The following BRIP1 variants were observed in gnomAD, a reference collection of about 807,000 sequenced individuals.
BRIP1 encodes the protein Fanconi anemia group J protein.
BRIP1 carries 88 observed loss-of-function variants against 119.7 expected under a neutral mutation model. That is an observed-to-expected ratio of 0.74 (90% CI 0.62 to 0.88). BRIP1 has a LOEUF of 0.88. Ranked by LOEUF, BRIP1 falls within the 40% of genes least tolerant of loss-of-function variation. BRIP1 has a pLI of 0.00. For missense variants in BRIP1, 1,259 were observed against 1,455.4 expected, an observed-to-expected ratio of 0.87 and a Z score of 2.20; for synonymous variants, 443 against 496.5, an observed-to-expected ratio of 0.89 and a Z score of 1.43.
In BRIP1 at chr17:61,681,190, T is replaced by G; in HGVS notation, c.*2106A>C. On this transcript the variant is annotated 3_prime_UTR_variant, in exon 20 of 20. Coordinates refer to ENST00000259008, the MANE Select transcript of BRIP1 (RefSeq NM_032043.3). The surrounding 1 kb of genome is among the most constrained non-coding windows in gnomAD (Gnocchi z 5.1). ...ACGTCGGGATTATGGGAACTACAAT[T>G]CAAGATGAGATCTGGCTGGGGACAT... 1 of 185,712 alleles carries G rather than the reference T, an allele frequency of 5.4e-6. No individual in the cohort carries two copies. The highest frequency in any genetic ancestry group is 1.1e-5 in the Non-Finnish European group (1 of 92,252). The allele number at this position is 185,712 out of a possible 1,614,324, so 11.5% of individuals were successfully genotyped here.
chr17:61,754,664 T>C lies in BRIP1; in HGVS notation c.2098-10073A>G, dbSNP rs2077176112. ...GAGTGGCTTAAACAAGAGAAATTTATTTCTTACTTCTTGGCTATGAAGTCC... is the reference window on the plus strand; with the variant it reads ...GAGTGGCTTAAACAAGAGAAATTTACTTCTTACTTCTTGGCTATGAAGTCC... On this transcript the variant is annotated intron_variant, in intron 14 of 19. Coordinates refer to ENST00000259008, the MANE Select transcript of BRIP1 (RefSeq NM_032043.3). This position sits in a 1 kb window ranked among gnomAD's most constrained non-coding sequence, Gnocchi z 4.1. Among the ~76,000 whole-genome samples, 1 of 152,208 alleles carries C rather than the reference T, an allele frequency of 6.6e-6. No individual in the cohort carries two copies. Among genetic ancestry groups the C allele is most frequent in the South Asian group, 2.1e-4 (1 of 4,832 alleles).
Position 61,796,880 on chromosome 17 carries a change from A to G in BRIP1, c.1340+2220T>C, listed in dbSNP as rs929755393. 6.6e-6 allele frequency among the ~76,000 whole-genome samples: 1 copy of G among 152,104 alleles called. No homozygotes were observed. The highest frequency in any genetic ancestry group is 2.1e-4 in the South Asian group (1 of 4,824). On this transcript the variant is annotated intron_variant, in intron 9 of 19. Coordinates refer to ENST00000259008, the MANE Select transcript of BRIP1 (RefSeq NM_032043.3). The surrounding 1 kb of genome is among the most constrained non-coding windows in gnomAD (Gnocchi z 4.8). ...GGGATATACTGTGCAGGTGGCATCT[A>G]TAAGACTTACTCATTAATTGGATGA...
At chr17:61,835,696 T>TAA (rs546583149) in intron 6 of BRIP1, among the ~76,000 whole-genome samples, 1 of 144,296 alleles carries the variant, frequency 6.9e-6, no homozygotes, top group Non-Finnish European at 1.5e-5. Context: ...CACATACTGT[T>TAA]AAAAAAAAAA....
At position 61,759,176 on chromosome 17, in the gene BRIP1, C is replaced by T. The variant is rs1170294202; in HGVS notation, c.2098-14585G>A. ...GAAAAGAAGATCCAACTATATGCTG[C>T]CTACAAGAGATTTGCTTTTAAGGAT... On this transcript the variant is annotated intron_variant, in intron 14 of 19. Transcript: ENST00000259008. The surrounding 1 kb of genome is among the most constrained non-coding windows in gnomAD (Gnocchi z 4.9). 1.3e-5 allele frequency among the ~76,000 whole-genome samples: 2 copies of T among 151,924 alleles called. No homozygotes were observed. Among genetic ancestry groups the T allele is most frequent in the East Asian group, 3.9e-4 (2 of 5,184 alleles).
chr17:61,679,742 G>T lies in BRIP1; in HGVS notation c.*3554C>A, dbSNP rs1400835996. Among the ~76,000 whole-genome samples the T allele has an allele frequency of 6.6e-6, 1 of 152,096 alleles. No homozygotes were observed. The highest frequency in any genetic ancestry group is 2.4e-5 in the African/African-American group (1 of 41,402). On this transcript the variant is annotated 3_prime_UTR_variant, in exon 20 of 20. Transcript: ENST00000259008. This position sits in a 1 kb window ranked among gnomAD's most constrained non-coding sequence, Gnocchi z 4.4. ...TAATGAATAACTTGCAATGTGCCAG[G>T]TGCTCTTTTAAAAGCATTTAGATGT...
chr17:61,727,503 A>G (rs1284914852), intron 16 of BRIP1, among the ~76,000 whole-genome samples: 1 of 152,090 alleles, frequency 6.6e-6, no homozygotes, highest in African/African-American at 2.4e-5. Flanking sequence ...GTGGTGGCTC[A>G]CGTTTATAAT....
In BRIP1 at chr17:61,822,689, G is replaced by T. The variant is rs1162236718; in HGVS notation, c.628-13932C>A. Among the ~76,000 whole-genome samples, 3 of 151,956 alleles carry T rather than the reference G, an allele frequency of 2.0e-5. No homozygotes were observed. Among genetic ancestry groups the T allele is most frequent in the African/African-American group, 7.3e-5 (3 of 41,356 alleles). On this transcript the variant is annotated intron_variant, in intron 6 of 19. Transcript: ENST00000259008. This position sits in a 1 kb window ranked among gnomAD's most constrained non-coding sequence, Gnocchi z 4.4. Reference sequence around the variant, plus strand: ...TTATAGCTAAGGAAAAGAATCAATAGAAAGGAGGAAAAATAATTGACAAAC... The same window carrying T: ...TTATAGCTAAGGAAAAGAATCAATATAAAGGAGGAAAAATAATTGACAAAC...
rs2077186508 is a variant in BRIP1, at chr17:61,755,338, T to A, written c.2098-10747A>T. Among the ~76,000 whole-genome samples, 1 of 151,956 alleles carries A rather than the reference T, an allele frequency of 6.6e-6. No individual in the cohort carries two copies. Among genetic ancestry groups the A allele is most frequent in the Non-Finnish European group, 1.5e-5 (1 of 67,988 alleles). On this transcript the variant is annotated intron_variant, in intron 14 of 19. Transcript: ENST00000259008. This position sits in a 1 kb window ranked among gnomAD's most constrained non-coding sequence, Gnocchi z 4.5. Reference sequence around the variant, plus strand: ...ACTTTGAGATGCTGAGGCTGGAGGATCACTTGAGCCCAGGAGTTCAAGACC... The same window carrying A: ...ACTTTGAGATGCTGAGGCTGGAGGAACACTTGAGCCCAGGAGTTCAAGACC...
rs1451833362 is a variant in BRIP1, at chr17:61,837,932, C to CA, written c.627+9168_627+9169insT. ...GATAGAAAAATAAAGAGACAACAAT[C>CA]TACTTCTCCAATCCACTAGGTGGAA... On this transcript the variant is annotated intron_variant, in intron 6 of 19. Coordinates refer to ENST00000259008, the MANE Select transcript of BRIP1 (RefSeq NM_032043.3). Among the ~76,000 whole-genome samples the CA allele has an allele frequency of 5.9e-5, 9 of 152,230 alleles. No homozygotes were observed. The East Asian group carries it at 1.7e-3, about 29-fold the overall frequency.
Position 61,808,854 on chromosome 17 carries a change from C to A in BRIP1, c.628-97G>T. 1.6e-6 allele frequency: 2 copies of A among 1,218,406 alleles called. No homozygotes were observed. The highest frequency in any genetic ancestry group is 2.3e-6 in the Non-Finnish European group (2 of 852,094). The allele number at this position is 1,218,406 out of a possible 1,614,324, so 75.5% of individuals were successfully genotyped here. On this transcript the variant is annotated intron_variant, in intron 6 of 19. Transcript: ENST00000259008. The surrounding 1 kb of genome is among the most constrained non-coding windows in gnomAD (Gnocchi z 4.1). ...ATCAGAACCTGTAAGTAATGAATCA[C>A]AATGGTCAAATAAAGAGAAATAACA... is the stretch of plus-strand genomic sequence containing the variant.
Position 61,808,671 on chromosome 17 carries a change from T to C in BRIP1, c.714A>G (p.Thr238=), listed in dbSNP as rs548018916. 1.2e-6 allele frequency: 2 copies of C among 1,613,982 alleles called. No homozygotes were observed. The highest frequency in any genetic ancestry group is 1.7e-5 in the Admixed American group (1 of 60,028). Residue 238 remains threonine (T), a synonymous_variant, in exon 7 of 20, where the codon ACA becomes ACG. Coordinates refer to ENST00000259008, the MANE Select transcript of BRIP1 (RefSeq NM_032043.3). This position sits in a 1 kb window ranked among gnomAD's most constrained non-coding sequence, Gnocchi z 4.1. Reference sequence around the variant, plus strand: ...ATATTTTGGGTATCTTGGATTTCCCTGTATGATCCTTCTTAATGGTATTCG... The same window carrying C: ...ATATTTTGGGTATCTTGGATTTCCCCGTATGATCCTTCTTAATGGTATTCG... ...ESSNTIKKDH[T]GKSKIPKIYF...
At position 61,784,426 on chromosome 17, in the gene BRIP1, T is replaced by C. The variant is rs1603337052; in HGVS notation, c.1474-2A>G. 1.2e-6 allele frequency: 2 copies of C among 1,611,222 alleles called. No individual in the cohort carries two copies. Among genetic ancestry groups the C allele is most frequent in the African/African-American group, 1.3e-5 (1 of 74,988 alleles). On this transcript the variant is annotated splice_acceptor_variant, in intron 10 of 19. Transcript: ENST00000259008. LOFTEE classifies it high-confidence loss of function. Reference sequence around the variant, plus strand: ...TTGAAGAACAGCAGAAAAATGTCCCTATAAGAAATTACCATATTAAGTATA... The same window carrying C: ...TTGAAGAACAGCAGAAAAATGTCCCCATAAGAAATTACCATATTAAGTATA...
chr17:61,817,904 T>C (rs570116788), intron 6 of BRIP1, among the ~76,000 whole-genome samples: 9 of 152,336 alleles, frequency 5.9e-5, no homozygotes, highest in African/African-American at 1.9e-4. Context: ...GAAAACTGGG[T>C]TCACAATTTT....
intron 16 of BRIP1, among the ~76,000 whole-genome samples, chr17:61,716,833 T>TATAATATGATTCCA: frequency 5.7e-5 from 1 of 17,470 alleles, no homozygotes; most frequent in African/African-American, 3.1e-4. Context: ...CACTACTGGA[T>TATAATATGATTCCA]TATTAGCTAT....
chr17:61,847,601 A>C (rs553922109), intron 5 of BRIP1, among the ~76,000 whole-genome samples: 12 of 152,348 alleles, frequency 7.9e-5, no homozygotes, highest in African/African-American at 2.6e-4. Flanking sequence ...ATAATTCTAC[A>C]TTGAAAAGAA....
chr17:61,814,378 T>C lies in BRIP1; in HGVS notation c.628-5621A>G, dbSNP rs1019465283. Among the ~76,000 whole-genome samples, 2 of 152,040 alleles carry C rather than the reference T, an allele frequency of 1.3e-5. No individual in the cohort carries two copies. The highest frequency in any genetic ancestry group is 2.9e-5 in the Non-Finnish European group (2 of 67,910). On this transcript the variant is annotated intron_variant, in intron 6 of 19. Coordinates refer to ENST00000259008, the MANE Select transcript of BRIP1 (RefSeq NM_032043.3). The surrounding 1 kb of genome is among the most constrained non-coding windows in gnomAD (Gnocchi z 4.9). ...TTACAGTCAAGTGAGGATCAGTATC[T>C]ACAACATATAAAGAATTCCAATAAA... is the stretch of plus-strand genomic sequence containing the variant.
At position 61,744,825 on chromosome 17, in the gene BRIP1, T is replaced by C. The variant is rs2077038466; in HGVS notation, c.2098-234A>G. 6.6e-6 allele frequency among the ~76,000 whole-genome samples: 1 copy of C among 151,012 alleles called. No individual in the cohort carries two copies. ...AGTTAGCTGCTGCTGCTGCTACTACTACTATTATCTTGGCAATTTCTACCA... is the reference window on the plus strand; with the variant it reads ...AGTTAGCTGCTGCTGCTGCTACTACCACTATTATCTTGGCAATTTCTACCA... On this transcript the variant is annotated intron_variant, in intron 14 of 19. Transcript: ENST00000259008. This position sits in a 1 kb window ranked among gnomAD's most constrained non-coding sequence, Gnocchi z 5.0.
chr17:61,684,237 G>GT lies in BRIP1; in HGVS notation c.2906-98dup. 7.5e-7 allele frequency: 1 copy of GT among 1,339,362 alleles called. No individual in the cohort carries two copies. Among genetic ancestry groups the GT allele is most frequent in the Non-Finnish European group, 1.0e-6 (1 of 974,350 alleles). The allele number at this position is 1,339,362 out of a possible 1,614,324, so 83.0% of individuals were successfully genotyped here. On this transcript the variant is annotated intron_variant, in intron 19 of 19. Coordinates refer to ENST00000259008, the MANE Select transcript of BRIP1 (RefSeq NM_032043.3). The surrounding 1 kb of genome is among the most constrained non-coding windows in gnomAD (Gnocchi z 4.5). The stretch of plus-strand genomic sequence containing the variant: ...ATTTATTAGAAATACCTAAATAACT[G>GT]TATAGGATACATAACTTAGAGCCCC...
intron 10 of BRIP1, among the ~76,000 whole-genome samples, chr17:61,791,566 C>T (rs2077818215): frequency 6.8e-6 from 1 of 148,086 alleles, no homozygotes; most frequent in Admixed American, 6.7e-5. Flanking sequence ...GACAACCACT[C>T]GCACATGAGA....
Sources: gnomAD v4.1 joint callset for allele counts (sites outside exome capture counted in the v4.1 genomes callset) on GRCh38, gnomAD v4.1.1 for gene constraint, Gnocchi (gnomAD v3.1) non-coding constraint, MANE v1.5 for transcripts, NCBI Gene and HGNC (gene_info 2026-07-23, HGNC 2026-07-21) for gene names.